Variants in SSR1 observed in about 807,000 individuals in gnomAD.
SSR1 encodes the protein translocon-associated protein subunit alpha.
A neutral mutation model predicts 36.1 loss-of-function variants in SSR1; 13 were observed. The ratio of observed to expected loss-of-function variants is 0.36; its 90% CI spans 0.23 to 0.57. SSR1 has a LOEUF of 0.57. Ranked by LOEUF, SSR1 falls within the 20% of genes least tolerant of loss-of-function variation. The pLI is 0.81. For synonymous variants in SSR1, 113 were observed against 118.9 expected, an observed-to-expected ratio of 0.95 and a Z score of 0.32; for missense variants, 291 against 338.5, an observed-to-expected ratio of 0.86 and a Z score of 1.10.
chr6:7,295,765 T>C (rs1258239222), intron 6 of SSR1, among the ~76,000 whole-genome samples: 1 of 152,232 alleles, frequency 6.6e-6, no homozygotes, highest in Non-Finnish European at 1.5e-5. Flanking sequence ...AACATACTTC[T>C]ACTCAAATAC....
intron 7 of SSR1, chr6:7,294,947 G>T: frequency 3.1e-6 from 2 of 639,822 alleles, no homozygotes; most frequent in East Asian, 3.2e-5. Flanking sequence ...ATTCTTTCAA[G>T]TTATACTGGG....
intron 2 of SSR1, 123 bp downstream of exon 2, chr6:7,309,794 G>T: frequency 1.2e-6 from 1 of 808,334 alleles, no homozygotes; most frequent in Non-Finnish European, 2.1e-6. Flanking sequence ...CTGAACTGTG[G>T]GTCAATGAAA....
At chr6:7,305,961 A>C (rs753883529) in intron 2 of SSR1, among the ~76,000 whole-genome samples, 3 of 152,222 alleles carry the variant, frequency 2.0e-5, no homozygotes, top group Admixed American at 1.3e-4. Context: ...AAAACTCCAG[A>C]ATATTTCAGC....
intron 1 of SSR1, 149 bp downstream of exon 1, chr6:7,312,893 C>G (rs1171451698): frequency 4.0e-6 from 3 of 748,714 alleles, no homozygotes; most frequent in Non-Finnish European, 6.4e-6. Flanking sequence ...CCTGCTGCTA[C>G]GAGCCTAGGC....
At chr6:7,304,931 GCACT>G (rs1469656272) in intron 2 of SSR1, among the ~76,000 whole-genome samples, 1 of 152,170 alleles carries the variant, frequency 6.6e-6, no homozygotes, top group Non-Finnish European at 1.5e-5. Flanking sequence ...AAGAGAGAGT[GCACT>G]CAAACACACT....
chr6:7,288,419 A>G lies in SSR1; in HGVS notation c.*1445T>C, dbSNP rs1757604567. On this transcript the variant is annotated 3_prime_UTR_variant, in exon 8 of 8. Coordinates refer to ENST00000244763, the MANE Select transcript of SSR1 (RefSeq NM_003144.5). The stretch of plus-strand genomic sequence containing the variant: ...TTGCAAAGTGATTAACAATTATACA[A>G]TAACTTCTATCTGCTTTGGCTCAGA... 1 of 152,320 alleles carries G rather than the reference A, an allele frequency of 6.6e-6. No individual in the cohort carries two copies. Among genetic ancestry groups the G allele is most frequent in the African/African-American group, 2.4e-5 (1 of 41,452 alleles). The allele number at this position is 152,320 out of a possible 1,614,324, so 9.4% of individuals were successfully genotyped here.
intron 5 of SSR1, 45 bp downstream of exon 5, chr6:7,298,702 C>T (rs1250434229): frequency 6.9e-7 from 1 of 1,459,208 alleles, no homozygotes; most frequent in East Asian, 2.3e-5. Context: ...TCCAGTCTTA[C>T]TTTACGAGCA....
At chr6:7,306,583 GTT>G (rs928024526) in intron 2 of SSR1, among the ~76,000 whole-genome samples, 2 of 152,062 alleles carry the variant, frequency 1.3e-5, no homozygotes, top group African/African-American at 4.8e-5. Flanking sequence ...TTGCGACCCA[GTT>G]TTATAGAGTA....
At chr6:7,293,360 C>G (rs7768880) in intron 7 of SSR1, among the ~76,000 whole-genome samples, 1 of 152,010 alleles carries the variant, frequency 6.6e-6, no homozygotes, top group East Asian at 1.9e-4. Context: ...TACCCTTCCC[C>G]GAGTCCCAAA....
rs1470355908 is a variant in SSR1 at position 7,284,301 on chromosome 6, A to T, written c.*5563T>A. On this transcript the variant is annotated 3_prime_UTR_variant, in exon 8 of 8. Coordinates refer to ENST00000244763, the MANE Select transcript of SSR1 (RefSeq NM_003144.5). ...GTGCAGGTGTAAGAGATTTATTACA[A>T]AACAAAAACTCCCCTTGCCAGCCTT... 6.6e-6 allele frequency: 1 copy of T among 152,188 alleles called. No homozygotes were observed. Among genetic ancestry groups the T allele is most frequent in the Non-Finnish European group, 1.5e-5 (1 of 68,032 alleles). 9.4% of individuals were successfully genotyped at this position (152,188 alleles called of 1,614,324 possible).
intron 5 of SSR1, among the ~76,000 whole-genome samples, chr6:7,298,219 G>C (rs528508958): frequency 6.6e-6 from 1 of 152,050 alleles, no homozygotes; most frequent in South Asian, 2.1e-4. Flanking sequence ...ATTGAAAATA[G>C]AATTACAATT....
chr6:7,303,902 G>A (rs1369697838), intron 2 of SSR1, among the ~76,000 whole-genome samples: 3 of 152,154 alleles, frequency 2.0e-5, no homozygotes, highest in African/African-American at 4.8e-5. Context: ...CAGGAGAATC[G>A]CTTGAATCCG....
At chr6:7,311,982 T>C (rs898290950) in intron 1 of SSR1, among the ~76,000 whole-genome samples, 10 of 152,222 alleles carry the variant, frequency 6.6e-5, no homozygotes, top group African/African-American at 2.4e-4. Flanking sequence ...TCATTAACAG[T>C]TGTTTAATTC....
At chr6:7,306,888 G>A (rs1258905617) in intron 2 of SSR1, among the ~76,000 whole-genome samples, 2 of 139,916 alleles carry the variant, frequency 1.4e-5, no homozygotes, top group African/African-American at 2.8e-5. Flanking sequence ...CTGCACTCCA[G>A]CCTGGGCGAC....
intron 6 of SSR1, among the ~76,000 whole-genome samples, chr6:7,297,552 C>T (rs993545718): frequency 1.3e-5 from 2 of 152,014 alleles, no homozygotes; most frequent in African/African-American, 4.8e-5. Context: ...TGGCAAAACC[C>T]TGCCTCTACA....
intron 7 of SSR1, among the ~76,000 whole-genome samples, chr6:7,294,546 C>A (rs754183643): frequency 8.5e-5 from 13 of 152,112 alleles, no homozygotes; most frequent in Non-Finnish European, 1.6e-4. Context: ...AAAAAATTAG[C>A]CGGGCGTGGT....
chr6:7,296,648 G>A (rs1757801464), intron 6 of SSR1, among the ~76,000 whole-genome samples: 1 of 139,296 alleles, frequency 7.2e-6, no homozygotes, highest in Admixed American at 8.2e-5. Flanking sequence ...GTAGGCTGGA[G>A]GGAAGGAAAG....
At chr6:7,294,979 G>A in intron 7 of SSR1, 8 of 959,164 alleles carry the variant, frequency 8.3e-6, no homozygotes, top group South Asian at 2.1e-5. Context: ...ATAAAATGTA[G>A]TAAGAAAAAT....
In SSR1 at chr6:7,295,400, T is replaced by C. The variant is rs1443853464; in HGVS notation, c.785A>G (p.Asn262Ser). The change falls in exon 7 of 8, where the codon AAT becomes AGT. Residue 262 changes from asparagine to serine, a missense_variant. Coordinates refer to ENST00000244763, the MANE Select transcript of SSR1 (RefSeq NM_003144.5). Reference protein sequence around the residue: ...DMSWIPQETLNQINKASPRRL... With the variant: ...DMSWIPQETLSQINKASPRRL... Reference sequence around the variant, plus strand: ...TCTGTAAGACTACTTACTGATTTGATTCAATGTTTCCTGAGGAATCCAACT... The same window carrying C: ...TCTGTAAGACTACTTACTGATTTGACTCAATGTTTCCTGAGGAATCCAACT... The C allele has an allele frequency of 3.7e-6, 6 of 1,610,156 alleles. No homozygotes were observed. Among genetic ancestry groups the C allele is most frequent in the Non-Finnish European group, 5.1e-6 (6 of 1,178,458 alleles).
Sources: allele counts gnomAD v4.1 joint callset (sites outside exome capture counted in the v4.1 genomes callset), GRCh38; gene constraint gnomAD v4.1.1; transcripts MANE v1.5; gene names NCBI Gene and HGNC (gene_info 2026-07-23, HGNC 2026-07-21).